SPTBN1: variants seen among roughly 807,000 people sequenced by gnomAD.
The protein encoded by SPTBN1 is spectrin beta, non-erythrocytic 1.
In SPTBN1, 32 loss-of-function variants were observed where a neutral mutation model predicts 266.4. That is an observed-to-expected ratio of 0.12 (90% CI 0.09 to 0.16). The LOEUF (loss-of-function observed/expected upper bound fraction) is 0.16. Ranked by LOEUF, SPTBN1 falls within the 10% of genes least tolerant of loss-of-function variation. SPTBN1 has a pLI of 1.00. For synonymous variants in SPTBN1, 1,336 were observed against 1,162.2 expected (o/e 1.15, Z -3.04); for missense variants, 2,296 against 3,067.1 (o/e 0.75, Z 5.94).
intron 2 of SPTBN1, among the ~76,000 whole-genome samples, chr2:54,580,565 A>G (rs1674823433): frequency 6.6e-6 from 1 of 151,926 alleles, no homozygotes; most frequent in Admixed American, 6.5e-5. Context: ...AGGATGGATT[A>G]TAATCCAAGT....
At chr2:54,661,467 A>G in intron 32 of SPTBN1, 1 of 985,812 alleles carries the variant, frequency 1.0e-6, no homozygotes. Flanking sequence ...GGATAACGTC[A>G]TATAGCATCT....
At chr2:54,581,169 A>T (rs1484090242) in intron 2 of SPTBN1, among the ~76,000 whole-genome samples, 1 of 152,158 alleles carries the variant, frequency 6.6e-6, no homozygotes, top group African/African-American at 2.4e-5. Context: ...CTCATACAAC[A>T]TGTTTTGAAA....
chr2:54,469,957 A>G (rs1247163241), intron 1 of SPTBN1, among the ~76,000 whole-genome samples: 1 of 152,224 alleles, frequency 6.6e-6, no homozygotes, highest in Non-Finnish European at 1.5e-5. Flanking sequence ...AAACCAGCAC[A>G]CATCCTGTCT....
At chr2:54,632,184 A>G (rs570738409) in intron 16 of SPTBN1, among the ~76,000 whole-genome samples, 86 of 151,782 alleles carry the variant, frequency 5.7e-4, no homozygotes, top group African/African-American at 2.0e-3. Context: ...GACACAAAGT[A>G]GAGATTAGAG....
At chr2:54,485,064 T>C (rs1165429439) in intron 1 of SPTBN1, among the ~76,000 whole-genome samples, 1 of 151,288 alleles carries the variant, frequency 6.6e-6, no homozygotes, top group Non-Finnish European at 1.5e-5. Context: ...ACTTGAAGTT[T>C]GCACAGAATG....
At chr2:54,524,198 CA>C (rs796689748) in intron 1 of SPTBN1, among the ~76,000 whole-genome samples, 308 of 145,714 alleles carry the variant, frequency 2.1e-3, no homozygotes, top group Middle Eastern at 3.5e-3. Context: ...AACTCCATCT[CA>C]AAAAAAAAAA....
intron 1 of SPTBN1, among the ~76,000 whole-genome samples, chr2:54,505,357 G>A (rs1292032780): frequency 6.6e-6 from 1 of 152,172 alleles, no homozygotes; most frequent in African/African-American, 2.4e-5. Context: ...AGGCAAGATG[G>A]TCATTTAACA....
chr2:54,670,966 TTTA>T lies in SPTBN1; in HGVS notation c.*2400_*2402del. ...TAGTTTTTGGGTTTTTTGTTTTTTT[TTTA>T]TTCTTCCACTATCATGTTTTTTGAG... On this transcript the variant is annotated 3_prime_UTR_variant, in exon 36 of 36. Coordinates refer to ENST00000356805, the MANE Select transcript of SPTBN1 (RefSeq NM_003128.3). 1 of 397,230 alleles carries T rather than the reference TTTA, an allele frequency of 2.5e-6. No individual in the cohort carries two copies. The highest frequency in any genetic ancestry group is 4.4e-6 in the Non-Finnish European group (1 of 225,746). The allele number at this position is 397,230 out of a possible 1,614,324, so 24.6% of individuals were successfully genotyped here.
chr2:54,473,252 G>T (rs527815990), intron 1 of SPTBN1, among the ~76,000 whole-genome samples: 1 of 152,256 alleles, frequency 6.6e-6, no homozygotes, highest in South Asian at 2.1e-4. Context: ...TAGAATTGAG[G>T]TTATTTGGGG....
At chr2:54,489,148 A>AT (rs201434384) in intron 1 of SPTBN1, among the ~76,000 whole-genome samples, 29 of 87,578 alleles carry the variant, frequency 3.3e-4, no homozygotes, top group Non-Finnish European at 5.5e-4. Context: ...CCTGGTCTGT[A>AT]TTTAAAAAAA....
intron 4 of SPTBN1, among the ~76,000 whole-genome samples, chr2:54,615,043 C>T (rs1233196887): frequency 6.6e-6 from 1 of 152,152 alleles, no homozygotes; most frequent in Non-Finnish European, 1.5e-5. Flanking sequence ...CTTCCACATT[C>T]CCTTTCTGCA....
chr2:54,468,454 C>T (rs542572150), intron 1 of SPTBN1, among the ~76,000 whole-genome samples: 3 of 151,856 alleles, frequency 2.0e-5, no homozygotes, highest in Admixed American at 2.0e-4. Context: ...AAGGGCCAAT[C>T]CTCCAATCTT....
At chr2:54,476,341 A>G (rs1667831944) in intron 1 of SPTBN1, among the ~76,000 whole-genome samples, 1 of 152,232 alleles carries the variant, frequency 6.6e-6, no homozygotes, top group South Asian at 2.1e-4. Context: ...TGATCATTAA[A>G]AGTTTCTAAC....
intron 2 of SPTBN1, among the ~76,000 whole-genome samples, chr2:54,585,219 G>C (rs909142300): frequency 3.3e-5 from 5 of 152,208 alleles, no homozygotes; most frequent in Admixed American, 6.5e-5. Context: ...GTATAAAAGT[G>C]TGTTTAAAGC....
chr2:54,462,294 C>T (rs1693405486), intron 1 of SPTBN1, among the ~76,000 whole-genome samples: 1 of 152,178 alleles, frequency 6.6e-6, no homozygotes, highest in East Asian at 1.9e-4. Context: ...CTTTTTATGT[C>T]AGGAGAGCTA....
At chr2:54,596,674 T>C (rs1676115095) in intron 2 of SPTBN1, among the ~76,000 whole-genome samples, 1 of 152,122 alleles carries the variant, frequency 6.6e-6, no homozygotes, top group Non-Finnish European at 1.5e-5. Flanking sequence ...CACAAGAGCT[T>C]GTTTTTTTAT....
At chr2:54,567,131 C>G (rs1223249861) in intron 2 of SPTBN1, among the ~76,000 whole-genome samples, 1 of 152,256 alleles carries the variant, frequency 6.6e-6, no homozygotes, top group African/African-American at 2.4e-5. Context: ...TTAATAGAAG[C>G]AAGTGGAGAA....
chr2:54,667,528 C>A (rs1421802128), intron 34 of SPTBN1, 76 bp from the exon 35 acceptor site: 2 of 1,397,974 alleles, frequency 1.4e-6, no homozygotes, highest in Non-Finnish European at 2.0e-6. Flanking sequence ...TTCTGTCCTG[C>A]ATGGGATATG....
At chr2:54,623,681 A>G in intron 10 of SPTBN1, 85 bp downstream of exon 10, 1 of 1,090,420 alleles carries the variant, frequency 9.2e-7, no homozygotes, top group Non-Finnish European at 1.3e-6. Context: ...TAAGAGGACA[A>G]GAGACTGGAA....
Sources: gnomAD v4.1 joint callset for allele counts (sites outside exome capture counted in the v4.1 genomes callset) on GRCh38, gnomAD v4.1.1 for gene constraint, MANE v1.5 for transcripts, NCBI Gene and HGNC (gene_info 2026-07-23, HGNC 2026-07-21) for gene names.